Variants in SGIP1 observed in about 807,000 individuals in gnomAD.
SGIP1 encodes SH3GL interacting endocytic adaptor 1.
Under a neutral mutation model 107.5 loss-of-function variants are expected in SGIP1, and 38 were observed. The ratio of observed to expected loss-of-function variants is 0.35; its 90% CI spans 0.27 to 0.46. The LOEUF is 0.46. Among genes scored for constraint, SGIP1 ranks in the 20% least tolerant of loss-of-function variants. The pLI is 1.00. For synonymous variants in SGIP1, 365 were observed against 366.1 expected (o/e 1.00, Z 0.03); for missense variants, 929 against 1,019.5 (o/e 0.91, Z 1.21).
intron 8 of SGIP1, among the ~76,000 whole-genome samples, chr1:66,664,081 A>C (rs1391368542): frequency 6.6e-6 from 1 of 152,160 alleles, no homozygotes; most frequent in Non-Finnish European, 1.5e-5. Context: ...ATTGTTTGTC[A>C]TGAAATTCCC....
chr1:66,548,623 AG>A, intron 1 of SGIP1, among the ~76,000 whole-genome samples: 1 of 152,122 alleles, frequency 6.6e-6, no homozygotes, highest in Non-Finnish European at 1.5e-5. Context: ...TTTGTTTATT[AG>A]GGGGGCTTTT....
At chr1:66,651,108 A>G (rs1276848109) in intron 7 of SGIP1, among the ~76,000 whole-genome samples, 7 of 152,210 alleles carry the variant, frequency 4.6e-5, no homozygotes, top group Admixed American at 4.6e-4. Context: ...AAATTTATGT[A>G]AGGTCTAAAA....
chr1:66,557,816 T>C (rs2058397612), intron 1 of SGIP1, among the ~76,000 whole-genome samples: 1 of 152,126 alleles, frequency 6.6e-6, no homozygotes, highest in Admixed American at 6.6e-5. Context: ...AATTAACTTT[T>C]GTTAGAAGTG....
intron 7 of SGIP1, among the ~76,000 whole-genome samples, chr1:66,657,428 AT>A (rs1257222461): frequency 9.2e-5 from 14 of 152,286 alleles, no homozygotes; most frequent in African/African-American, 3.1e-4. Context: ...ACTGGTTTAT[AT>A]TTTCTTCATT....
chr1:66,651,223 A>G (rs2078688920), intron 7 of SGIP1, among the ~76,000 whole-genome samples: 1 of 152,188 alleles, frequency 6.6e-6, no homozygotes, highest in African/African-American at 2.4e-5. Flanking sequence ...ATGGTGATGA[A>G]TTTGGTAGTG....
At chr1:66,585,607 T>C (rs1445574) in intron 1 of SGIP1, among the ~76,000 whole-genome samples, 28,307 of 151,312 alleles carry the variant, frequency 0.19, 3,125 homozygotes, top group African/African-American at 0.31. Context: ...GTTTTGTTTT[T>C]GTTTTTTGTT....
chr1:66,660,211 GAAAGAGAA>G (rs1402571025), intron 7 of SGIP1: 11 of 211,320 alleles, frequency 5.2e-5, no homozygotes, highest in Non-Finnish European at 6.2e-5. Flanking sequence ...AAGAAAGAAA[GAAAGAGAA>G]AGAAAGAAAG....
At chr1:66,553,899 T>C (rs1299336238) in intron 1 of SGIP1, among the ~76,000 whole-genome samples, 1 of 152,106 alleles carries the variant, frequency 6.6e-6, no homozygotes, top group Non-Finnish European at 1.5e-5. Context: ...ATTCTGGCAC[T>C]CTTGGGTTGG....
At chr1:66,737,356 T>C (rs1025000911) in intron 21 of SGIP1, among the ~76,000 whole-genome samples, 3 of 152,170 alleles carry the variant, frequency 2.0e-5, no homozygotes, top group Non-Finnish European at 2.9e-5. Context: ...ATCTAGAAAT[T>C]AGAATTCACC....
intron 1 of SGIP1, among the ~76,000 whole-genome samples, chr1:66,577,867 T>C (rs893266406): frequency 2.0e-5 from 3 of 151,846 alleles, no homozygotes; most frequent in East Asian, 3.9e-4. Context: ...TAGGTTACAT[T>C]TTGAAATTTT....
chr1:66,719,223 G>A, intron 18 of SGIP1, 71 bp from the exon 19 acceptor site: 2 of 988,766 alleles, frequency 2.0e-6, no homozygotes, highest in Admixed American at 2.5e-5. Flanking sequence ...TCCTTTAATG[G>A]GCTTTTAATT....
chr1:66,640,878 A>T (rs2149475478), intron 5 of SGIP1, among the ~76,000 whole-genome samples: 1 of 152,246 alleles, frequency 6.6e-6, no homozygotes, highest in East Asian at 1.9e-4. Context: ...TAGAAAGAAA[A>T]ATACTGTATG....
intron 8 of SGIP1, chr1:66,666,804 A>AT (rs1421528747): frequency 2.0e-5 from 3 of 152,150 alleles, no homozygotes; most frequent in African/African-American, 7.2e-5. Flanking sequence ...AATGCTCATG[A>AT]TTTTTGCACA....
intron 7 of SGIP1, among the ~76,000 whole-genome samples, chr1:66,647,724 G>A (rs1295376136): frequency 3.3e-5 from 5 of 152,124 alleles, no homozygotes; most frequent in Non-Finnish European, 5.9e-5. Context: ...CTGCTTGTTA[G>A]CTAACAACAG....
At chr1:66,560,714 A>T (rs952862306) in intron 1 of SGIP1, among the ~76,000 whole-genome samples, 17 of 152,150 alleles carry the variant, frequency 1.1e-4, no homozygotes, top group African/African-American at 2.6e-4. Flanking sequence ...GTTACTTTTT[A>T]AAAAAAGAAA....
chr1:66,551,826 C>T (rs769828844), intron 1 of SGIP1, among the ~76,000 whole-genome samples: 8 of 152,264 alleles, frequency 5.3e-5, no homozygotes, highest in South Asian at 2.1e-4. Flanking sequence ...CTGCCTCCAA[C>T]GTGTGCAGAA....
chr1:66,650,400 C>T (rs1464889573), intron 7 of SGIP1, among the ~76,000 whole-genome samples: 2 of 152,118 alleles, frequency 1.3e-5, no homozygotes, highest in Admixed American at 1.3e-4. Flanking sequence ...TGTTGAGCAC[C>T]TTCCATGTAG....
chr1:66,634,894 T>C (rs567835311), intron 3 of SGIP1, among the ~76,000 whole-genome samples: 1 of 152,346 alleles, frequency 6.6e-6, no homozygotes, highest in African/African-American at 2.4e-5. Flanking sequence ...AGTTTCTGTC[T>C]GCATTCAGTT....
chr1:66,633,073 T>C lies in SGIP1; in HGVS notation c.78T>C (p.Gly26=). Residue 26 remains glycine (G), a synonymous_variant, in exon 3 of 25, where the codon GGT becomes GGC. Transcript: ENST00000371037. Reference sequence around the variant, plus strand: ...TATCAATTTCTTTTTGTTACAGAGGTTCACCAGATAGAGATGGAATTGTAA... The same window carrying C: ...TATCAATTTCTTTTTGTTACAGAGGCTCACCAGATAGAGATGGAATTGTAA... ...RKKEKDTDST[G]SPDRDGIQPS... 6.5e-7 allele frequency: 1 copy of C among 1,537,832 alleles called. No homozygotes were observed. Among genetic ancestry groups the C allele is most frequent in the Non-Finnish European group, 9.0e-7 (1 of 1,111,914 alleles).
Sources: gnomAD v4.1 joint callset for allele counts (sites outside exome capture counted in the v4.1 genomes callset) on GRCh38, gnomAD v4.1.1 for gene constraint, MANE v1.5 for transcripts, NCBI Gene and HGNC (gene_info 2026-07-23, HGNC 2026-07-21) for gene names.